The following HS6ST2 variants were observed in gnomAD, a reference collection of about 807,000 sequenced individuals.
The protein encoded by HS6ST2 is heparan sulfate 6-O-sulfotransferase 2, also known as heparan-sulfate 6-O-sulfotransferase 2.
Under a neutral mutation model 33.0 loss-of-function variants are expected in HS6ST2, and 17 were observed. That is an observed-to-expected ratio of 0.52 (90% CI 0.35 to 0.77). HS6ST2 has a LOEUF of 0.77. Among genes scored for constraint, HS6ST2 ranks in the 30% least tolerant of loss-of-function variants. HS6ST2 has a pLI of 0.01. For synonymous variants in HS6ST2, 248 were observed against 237.1 expected, an observed-to-expected ratio of 1.05 and a Z score of -0.42; for missense variants, 519 against 551.7, an observed-to-expected ratio of 0.94 and a Z score of 0.59.
chrX:132,792,346 G>A (rs2065125727), intron 2 of HS6ST2, among the ~76,000 whole-genome samples: 1 of 112,217 alleles, frequency 8.9e-6, no homozygotes, highest in Non-Finnish European at 1.9e-5. Flanking sequence ...AGCAAGGTAG[G>A]CTGTGTGGAA....
intron 2 of HS6ST2, among the ~76,000 whole-genome samples, chrX:132,754,384 G>A (rs1021579714): frequency 1.8e-5 from 2 of 109,250 alleles, no homozygotes; most frequent in African/African-American, 6.7e-5. Context: ...TTAATCCATG[G>A]TAAGGATACT....
In HS6ST2 at chrX:132,792,850, G is replaced by A. The variant is rs926515148; in HGVS notation, c.948-84356C>T. Among the ~76,000 whole-genome samples the A allele has an allele frequency of 6.5e-5, 7 of 106,946 alleles. No homozygotes were observed. In the East Asian group the frequency reaches 1.4e-3, roughly 22 times the overall value. 92.9% of individuals were successfully genotyped at this position (106,946 alleles called of 115,157 possible). The stretch of plus-strand genomic sequence containing the variant: ...TCAGTCCTGTTTATGAATAAATAGC[G>A]TGCCATTATATGGATATACCACATG... On this transcript the variant is annotated intron_variant, in intron 2 of 4. Transcript: ENST00000370833.
At chrX:132,798,701 T>C (rs1443669927) in intron 2 of HS6ST2, among the ~76,000 whole-genome samples, 1 of 111,965 alleles carries the variant, frequency 8.9e-6, no homozygotes. Flanking sequence ...TCAAATCATT[T>C]AAAAGTCAAG....
At chrX:132,940,900 T>C (rs1274069760) in intron 2 of HS6ST2, among the ~76,000 whole-genome samples, 1 of 111,649 alleles carries the variant, frequency 9.0e-6, no homozygotes, top group Non-Finnish European at 1.9e-5. Context: ...GCAGGTTTGT[T>C]TGCAGTCAGC....
intron 2 of HS6ST2, among the ~76,000 whole-genome samples, chrX:132,946,088 G>A (rs1173981157): frequency 4.5e-5 from 5 of 112,078 alleles, no homozygotes. Context: ...TCTCACACCA[G>A]TTAGAATGGC....
At chrX:132,959,586 C>T (rs1473318228), upstream of HS6ST2, among the ~76,000 whole-genome samples, 2 of 112,276 alleles carry the variant, frequency 1.8e-5, no homozygotes, top group Non-Finnish European at 3.8e-5. Context: ...CCCAGTATCT[C>T]CCTTGCTGAG....
chrX:132,920,380 G>A (rs1053140625), intron 2 of HS6ST2, among the ~76,000 whole-genome samples: 5 of 110,703 alleles, frequency 4.5e-5, no homozygotes, highest in Non-Finnish European at 7.5e-5. Context: ...TTACACCTCC[G>A]TGAGAATGTG....
At chrX:132,690,604 G>GT (rs1251287706) in intron 3 of HS6ST2, among the ~76,000 whole-genome samples, 1 of 111,587 alleles carries the variant, frequency 9.0e-6, no homozygotes, top group African/African-American at 3.3e-5. Context: ...TATTTTTCGT[G>GT]TTTTTGGAAT....
At chrX:132,689,668 G>T (rs186480862) in intron 3 of HS6ST2, among the ~76,000 whole-genome samples, 41 of 112,132 alleles carry the variant, frequency 3.7e-4, no homozygotes, top group Non-Finnish European at 3.0e-4. Flanking sequence ...ATTGAATTAA[G>T]TTATATTGAA....
chrX:132,810,182 G>A (rs1004283004), intron 2 of HS6ST2, among the ~76,000 whole-genome samples: 1 of 111,369 alleles, frequency 9.0e-6, no homozygotes, highest in African/African-American at 3.3e-5. Context: ...GAGGTGGGAG[G>A]ATTGCTTGAG....
chrX:132,860,777 C>CTTTTTTT (rs58059164), intron 2 of HS6ST2, among the ~76,000 whole-genome samples: 1 of 52,896 alleles, frequency 1.9e-5, no homozygotes, highest in Non-Finnish European at 3.2e-5. Context: ...GCATGTGTAT[C>CTTTTTTT]TTTTTTTTTT....
At chrX:132,787,598 C>G (rs2065080055) in intron 2 of HS6ST2, among the ~76,000 whole-genome samples, 1 of 103,086 alleles carries the variant, frequency 9.7e-6, no homozygotes, top group African/African-American at 3.5e-5. Context: ...GGCCTATATA[C>G]TCCAAAGTAT....
chrX:132,714,607 C>G (rs1372406445), intron 2 of HS6ST2, among the ~76,000 whole-genome samples: 1 of 111,711 alleles, frequency 9.0e-6, no homozygotes, highest in Non-Finnish European at 1.9e-5. Context: ...GCATAAGCCA[C>G]CGTGCCCGGC....
At chrX:132,927,065 ACTCT>A (rs1374552911) in intron 2 of HS6ST2, among the ~76,000 whole-genome samples, 2 of 109,757 alleles carry the variant, frequency 1.8e-5, no homozygotes, top group Non-Finnish European at 3.8e-5. Context: ...GTAAACAAAG[ACTCT>A]CTCCCACTGC....
intron 4 of HS6ST2, among the ~76,000 whole-genome samples, chrX:132,635,210 T>C (rs2063544365): frequency 8.9e-6 from 1 of 111,781 alleles, no homozygotes; most frequent in Non-Finnish European, 1.9e-5. Context: ...CATCCTTGAC[T>C]CCTCTAATCT....
chrX:132,945,487 C>T (rs1190034155), intron 2 of HS6ST2, among the ~76,000 whole-genome samples: 2 of 111,331 alleles, frequency 1.8e-5, no homozygotes, highest in Non-Finnish European at 1.9e-5. Context: ...CCATTTGACG[C>T]AGCCATCCCA....
At chrX:132,646,299 G>A (rs2063641285) in intron 4 of HS6ST2, among the ~76,000 whole-genome samples, 1 of 110,958 alleles carries the variant, frequency 9.0e-6, no homozygotes, top group African/African-American at 3.3e-5. Context: ...GGGATGATAG[G>A]AGATAAGGAG....
At chrX:132,777,598 A>AT (rs34555257) in intron 2 of HS6ST2, among the ~76,000 whole-genome samples, 2,150 of 79,993 alleles carry the variant, frequency 0.027, 50 homozygotes, top group African/African-American at 0.07. Flanking sequence ...CACCCGGCTA[A>AT]TTTTTTTTTT....
rs2067108780 is a variant in HS6ST2 at position 132,958,186 on chromosome X, G to A, written c.417C>T (p.Gly139=). 6.1e-6 allele frequency: 7 copies of A among 1,144,963 alleles called. No homozygotes were observed. The South Asian group carries it at 1.4e-4, about 23-fold the overall frequency. The allele number at this position is 1,144,963 out of a possible 1,213,427, so 94.4% of individuals were successfully genotyped here. ...VLGAIFSKIF[G]PMASVGNMDE... is the part of the protein sequence containing the mutation. ...CACCTAGAACGTACCTGGCCATGGGGCCGAAAATCTTGGAGAAGATCGCAC... is the reference window on the plus strand; with the variant it reads ...CACCTAGAACGTACCTGGCCATGGGACCGAAAATCTTGGAGAAGATCGCAC... The change falls in exon 1 of 5, where the codon GGC becomes GGT. Residue 139 remains glycine, a synonymous_variant. Transcript: ENST00000370833.
Sources: allele counts gnomAD v4.1 joint callset (sites outside exome capture counted in the v4.1 genomes callset), GRCh38; gene constraint gnomAD v4.1.1; transcripts MANE v1.5; gene names NCBI Gene and HGNC (gene_info 2026-07-23, HGNC 2026-07-21).